Variants in PPM1B observed in about 807,000 individuals in gnomAD.
PPM1B encodes protein phosphatase 1B.
Under a neutral mutation model 43.0 loss-of-function variants are expected in PPM1B, and 22 were observed. The ratio of observed to expected loss-of-function variants is 0.51; its 90% CI spans 0.37 to 0.73. PPM1B has a LOEUF of 0.73. Ranked by LOEUF, PPM1B falls within the 30% of genes least tolerant of loss-of-function variation. PPM1B has a pLI of 0.00. For synonymous variants in PPM1B, 217 were observed against 197.9 expected, an observed-to-expected ratio of 1.10 and a Z score of -0.81; for missense variants, 632 against 584.2, an observed-to-expected ratio of 1.08 and a Z score of -0.84.
chr2:44,212,283 C>A (rs760740721), intron 3 of PPM1B, among the ~76,000 whole-genome samples: 9 of 152,284 alleles, frequency 5.9e-5, no homozygotes, highest in Non-Finnish European at 1.3e-4. Flanking sequence ...TTATAACTCT[C>A]TTCTACAGAA....
chr2:44,193,517 C>T (rs565283329), intron 1 of PPM1B, among the ~76,000 whole-genome samples: 1 of 152,134 alleles, frequency 6.6e-6, no homozygotes, highest in East Asian at 1.9e-4. Flanking sequence ...CTGTAGCTTC[C>T]CTAGTAGCTA....
At chr2:44,240,521 T>C (rs1036326959) in intron 5 of PPM1B, among the ~76,000 whole-genome samples, 1 of 145,936 alleles carries the variant, frequency 6.9e-6, no homozygotes, top group Non-Finnish European at 1.5e-5. Context: ...TTATATTATG[T>C]TCGTCATTTT....
At chr2:44,206,501 C>G (rs1669194354) in intron 2 of PPM1B, among the ~76,000 whole-genome samples, 1 of 152,018 alleles carries the variant, frequency 6.6e-6, no homozygotes, top group South Asian at 2.1e-4. Flanking sequence ...CTTTGGAGAA[C>G]CATAAATTTA....
At chr2:44,207,146 C>G (rs1355712119) in intron 2 of PPM1B, among the ~76,000 whole-genome samples, 1 of 152,142 alleles carries the variant, frequency 6.6e-6, no homozygotes, top group East Asian at 1.9e-4. Context: ...TTCTGAAGAC[C>G]CAACCTTCAC....
intron 2 of PPM1B, 41 bp from the exon 3 acceptor site, chr2:44,209,169 T>G (rs753581468): frequency 6.8e-7 from 1 of 1,476,958 alleles, no homozygotes; most frequent in Non-Finnish European, 9.2e-7. Context: ...TAGTTGATTG[T>G]AGAAATACAA....
chr2:44,239,445 CT>C (rs1670699714), downstream of PPM1B, among the ~76,000 whole-genome samples: 1 of 151,680 alleles, frequency 6.6e-6, no homozygotes, highest in Admixed American at 6.6e-5. Flanking sequence ...TTCTTTTTTT[CT>C]TTGTTTATGC....
chr2:44,180,872 T>G (rs960898536), intron 1 of PPM1B, among the ~76,000 whole-genome samples: 1 of 151,542 alleles, frequency 6.6e-6, no homozygotes, highest in Non-Finnish European at 1.5e-5. Flanking sequence ...AGAGCAAAAA[T>G]GTTAAAAGGA....
intron 1 of PPM1B, among the ~76,000 whole-genome samples, chr2:44,183,597 A>G (rs1667985010): frequency 6.6e-6 from 1 of 152,170 alleles, no homozygotes; most frequent in Admixed American, 6.5e-5. Flanking sequence ...CAGCTTCTTT[A>G]TTACATAAGT....
At chr2:44,219,806 G>A (rs1378306113) in intron 5 of PPM1B, among the ~76,000 whole-genome samples, 1 of 152,030 alleles carries the variant, frequency 6.6e-6, no homozygotes, top group Admixed American at 6.6e-5. Flanking sequence ...AACTGGGCAT[G>A]GTGGCGCATG....
At chr2:44,171,930 G>C (rs1274802399) in intron 1 of PPM1B, among the ~76,000 whole-genome samples, 1 of 151,328 alleles carries the variant, frequency 6.6e-6, no homozygotes, top group Non-Finnish European at 1.5e-5. Context: ...AAGTAGTTAA[G>C]TAGTATAATT....
At chr2:44,172,032 C>G (rs138064997) in intron 1 of PPM1B, among the ~76,000 whole-genome samples, 2 of 152,150 alleles carry the variant, frequency 1.3e-5, no homozygotes, top group East Asian at 3.9e-4. Context: ...TAAAAATTAG[C>G]AAACAAATAA....
chr2:44,187,207 T>C (rs1394999176), intron 1 of PPM1B, among the ~76,000 whole-genome samples: 1 of 152,236 alleles, frequency 6.6e-6, no homozygotes, highest in Non-Finnish European at 1.5e-5. Context: ...GTGACTGACA[T>C]GTTGTCCATG....
chr2:44,202,327 C>G (rs1668979193), intron 2 of PPM1B, among the ~76,000 whole-genome samples: 1 of 152,096 alleles, frequency 6.6e-6, no homozygotes, highest in Non-Finnish European at 1.5e-5. Flanking sequence ...GTGACTTTTT[C>G]TTGACATTGG....
At chr2:44,244,235 T>A (rs923760201) in exon 6 of PPM1B, 1 of 1,328,872 alleles carries the variant, frequency 7.5e-7, no homozygotes, top group African/African-American at 1.5e-5. Context: ...CAGATGGCAG[T>A]CTTGGGCACG....
chr2:44,244,703 A>G (rs1670822005), downstream of PPM1B, among the ~76,000 whole-genome samples: 1 of 151,418 alleles, frequency 6.6e-6, no homozygotes, highest in Admixed American at 6.6e-5. Context: ...TTAATATGAA[A>G]GGAACTGGCT....
At chr2:44,170,834 G>C (rs1667302993) in intron 1 of PPM1B, among the ~76,000 whole-genome samples, 3 of 152,322 alleles carry the variant, frequency 2.0e-5, no homozygotes, top group African/African-American at 4.8e-5. Context: ...CAAATGGACA[G>C]TGTGTTGTTC....
chr2:44,242,141 A>T (rs1045336680), intron 5 of PPM1B, among the ~76,000 whole-genome samples: 2 of 151,962 alleles, frequency 1.3e-5, no homozygotes, highest in African/African-American at 2.4e-5. Flanking sequence ...TACAGGCGTG[A>T]GCCACCACGC....
chr2:44,171,681 T>C (rs554854815), intron 1 of PPM1B, among the ~76,000 whole-genome samples: 2 of 152,118 alleles, frequency 1.3e-5, no homozygotes, highest in South Asian at 4.2e-4. Context: ...AATACAAAAA[T>C]TAGCCAGGTG....
intron 1 of PPM1B, among the ~76,000 whole-genome samples, chr2:44,171,756 C>A (rs896294807): frequency 2.1e-5 from 3 of 146,106 alleles, no homozygotes; most frequent in South Asian, 4.3e-4. Flanking sequence ...CTTGGACTCA[C>A]GAGGTGGAGG....
Sources: gnomAD v4.1 joint callset for allele counts (sites outside exome capture counted in the v4.1 genomes callset) on GRCh38, gnomAD v4.1.1 for gene constraint, MANE v1.5 for transcripts, NCBI Gene and HGNC (gene_info 2026-07-23, HGNC 2026-07-21) for gene names.